PROM1: variants seen among roughly 807,000 people sequenced by gnomAD.
PROM1 encodes the protein prominin 1, also known as prominin-1.
Under a neutral mutation model 116.9 loss-of-function variants are expected in PROM1, and 105 were observed. The ratio of observed to expected loss-of-function variants is 0.90; its 90% CI spans 0.77 to 1.06. The LOEUF is 1.06. PROM1 is among the 50% of genes least tolerant of loss of function. The pLI is 0.00. For synonymous variants in PROM1, 393 were observed against 387.0 expected (o/e 1.02, Z -0.18); for missense variants, 1,122 against 1,045.2 (o/e 1.07, Z -1.01).
chr4:15,982,768 C>T (rs759238539), intron 23 of PROM1, among the ~76,000 whole-genome samples: 1 of 152,120 alleles, frequency 6.6e-6, no homozygotes, highest in African/African-American at 2.4e-5. Flanking sequence ...CCAAAGCTGG[C>T]GGCAGGGGCC....
At chr4:15,971,169 G>T in intron 26 of PROM1, 87 bp from the exon 27 acceptor site, 1 of 1,159,918 alleles carries the variant, frequency 8.6e-7, no homozygotes, top group Non-Finnish European at 1.2e-6. Context: ...GCAGGCATGT[G>T]ACTAAAGGTA....
chr4:16,070,920 T>G (rs1420818058), intron 2 of PROM1, among the ~76,000 whole-genome samples: 4 of 152,138 alleles, frequency 2.6e-5, no homozygotes, highest in Non-Finnish European at 5.9e-5. Context: ...CTAAGTCTCC[T>G]CCCTACATCA....
At chr4:16,002,136 G>A (rs1435072052) in intron 13 of PROM1, among the ~76,000 whole-genome samples, 1 of 152,096 alleles carries the variant, frequency 6.6e-6, no homozygotes, top group Non-Finnish European at 1.5e-5. Flanking sequence ...CATCTGCTGA[G>A]AGAGGGGTGA....
chr4:16,006,517 C>T (rs1725521217), intron 13 of PROM1, 21 bp downstream of exon 13: 2 of 1,569,224 alleles, frequency 1.3e-6, no homozygotes, highest in Non-Finnish European at 1.7e-6. Flanking sequence ...TCCCACATGA[C>T]AGAGAGGAGC....
intron 2 of PROM1, among the ~76,000 whole-genome samples, chr4:16,050,505 C>T (rs778932760): frequency 1.3e-5 from 2 of 152,156 alleles, no homozygotes; most frequent in African/African-American, 2.4e-5. Flanking sequence ...CGTCATGTGC[C>T]ACCACATCCA....
At chr4:16,000,936 G>A (rs886685864) in intron 13 of PROM1, among the ~76,000 whole-genome samples, 1 of 152,100 alleles carries the variant, frequency 6.6e-6, no homozygotes, top group Non-Finnish European at 1.5e-5. Context: ...GTACTGTATA[G>A]GGGCCTGGGG....
At chr4:16,005,536 G>A (rs866253861) in intron 13 of PROM1, among the ~76,000 whole-genome samples, 23 of 115,010 alleles carry the variant, frequency 2.0e-4, no homozygotes, top group Middle Eastern at 0.01. Flanking sequence ...GTGTGTGTGT[G>A]TGTGTGAAAA....
At chr4:16,056,573 G>A (rs566855402) in intron 2 of PROM1, among the ~76,000 whole-genome samples, 98 of 152,090 alleles carry the variant, frequency 6.4e-4, no homozygotes, top group African/African-American at 2.3e-3. Context: ...AATGAAGCAA[G>A]GTGAGGGGTG....
intron 1 of PROM1, 45 bp from the exon 2 acceptor site, chr4:16,076,163 C>T: frequency 1.7e-6 from 1 of 578,254 alleles, no homozygotes; most frequent in Non-Finnish European, 2.8e-6. Flanking sequence ...TGCGTGTAAA[C>T]TGCCTGCACC....
At position 15,992,343 on chromosome 4, in the gene PROM1, TA is replaced by T. The variant is rs1721275085; in HGVS notation, c.1815del (p.Asn606IlefsTer21). 6.2e-7 allele frequency: 1 copy of T among 1,613,920 alleles called. No homozygotes were observed. The highest frequency in any genetic ancestry group is 8.5e-7 in the Non-Finnish European group (1 of 1,179,846). ...CCTGCTGCACCCAACAGAAAGATAT[TA>T]AGATTTACCTTCAGACTTTCCAATT... The part of the protein sequence containing the change: ...SSELESLKVN[L>X]NIFLLGAAGR... On this transcript the variant is annotated frameshift_variant, in exon 17 of 28. Transcript: ENST00000447510. LOFTEE classifies it high-confidence loss of function.
intron 13 of PROM1, among the ~76,000 whole-genome samples, chr4:16,004,889 C>T (rs1410733118): frequency 1.7e-5 from 2 of 118,078 alleles, no homozygotes; most frequent in African/African-American, 3.3e-5. Flanking sequence ...CTCTCTCTCC[C>T]TCCCCCTCTC....
intron 5 of PROM1, among the ~76,000 whole-genome samples, chr4:16,027,594 AC>A (rs1234432200): frequency 6.6e-6 from 1 of 152,150 alleles, no homozygotes; most frequent in Non-Finnish European, 1.5e-5. Context: ...AGGGAGAAGA[AC>A]CTCCTTGCCT....
At chr4:16,069,101 GGCGC>G (rs1318411234) in intron 2 of PROM1, among the ~76,000 whole-genome samples, 1 of 152,206 alleles carries the variant, frequency 6.6e-6, no homozygotes, top group African/African-American at 2.4e-5. Context: ...TAAGTATGGT[GGCGC>G]ATGACTGTTA....
intron 26 of PROM1, among the ~76,000 whole-genome samples, chr4:15,975,149 A>G (rs1210551445): frequency 1.3e-5 from 2 of 152,206 alleles, no homozygotes; most frequent in African/African-American, 4.8e-5. Flanking sequence ...AAGGGTTTAC[A>G]GTGGTCAAAG....
intron 2 of PROM1, among the ~76,000 whole-genome samples, chr4:16,040,935 CTT>C (rs1187219059): frequency 6.6e-6 from 1 of 151,814 alleles, no homozygotes; most frequent in African/African-American, 2.4e-5. Context: ...AAATGAAAAA[CTT>C]TGGATTTCTT....
At chr4:16,067,514 T>C (rs1370384592) in intron 2 of PROM1, among the ~76,000 whole-genome samples, 1 of 152,216 alleles carries the variant, frequency 6.6e-6, no homozygotes, top group Non-Finnish European at 1.5e-5. Flanking sequence ...TGAGTGGTGC[T>C]TGCCATTCTG....
chr4:16,070,412 C>A (rs571377295), intron 2 of PROM1, among the ~76,000 whole-genome samples: 1 of 152,238 alleles, frequency 6.6e-6, no homozygotes, highest in South Asian at 2.1e-4. Flanking sequence ...ATGATGCAAT[C>A]TCCTGTTTTC....
At chr4:16,036,152 C>A (rs1045475706) in intron 3 of PROM1, among the ~76,000 whole-genome samples, 1 of 152,160 alleles carries the variant, frequency 6.6e-6, no homozygotes, top group Non-Finnish European at 1.5e-5. Flanking sequence ...TTCCCAAGTG[C>A]CCTTTTCTAA....
chr4:16,048,959 C>T (rs1383769200), intron 2 of PROM1, among the ~76,000 whole-genome samples: 4 of 152,162 alleles, frequency 2.6e-5, no homozygotes, highest in Admixed American at 2.0e-4. Context: ...TGAAGGGACG[C>T]TCCAGGGATC....
Sources: gnomAD v4.1 joint callset for allele counts (sites outside exome capture counted in the v4.1 genomes callset) on GRCh38, gnomAD v4.1.1 for gene constraint, MANE v1.5 for transcripts, NCBI Gene and HGNC (gene_info 2026-07-23, HGNC 2026-07-21) for gene names.